Variants in XG observed in about 807,000 individuals in gnomAD.
XG encodes the protein Xg glycoprotein (Xg blood group).
Under a neutral mutation model 25.7 loss-of-function variants are expected in XG, and 24 were observed. The ratio of observed to expected loss-of-function variants is 0.93; its 90% CI spans 0.68 to 1.31. The LOEUF is 1.31. XG is among the 40% of genes most tolerant of loss of function. The pLI is 0.00. For missense variants in XG, 181 were observed against 187.6 expected, an observed-to-expected ratio of 0.96 and a Z score of 0.21; for synonymous variants, 77 against 69.2, an observed-to-expected ratio of 1.11 and a Z score of -0.56.
chrX:2,762,009 C>G (rs977271476), intron 1 of XG, among the ~76,000 whole-genome samples: 1 of 152,192 alleles, frequency 6.6e-6, no homozygotes, highest in African/African-American at 2.4e-5. Context: ...ATGAGAAACA[C>G]TGTGTCTTGG....
At chrX:2,766,433 C>A (rs1355148088) in intron 1 of XG, among the ~76,000 whole-genome samples, 1 of 151,942 alleles carries the variant, frequency 6.6e-6, no homozygotes, top group African/African-American at 2.4e-5. Context: ...GCCACCGCAC[C>A]CGGCCTCTTC....
In XG at chrX:2,782,106, C is replaced by T. The variant is rs766513303; in HGVS notation, c.168C>T (p.Pro56=). Residue 56 remains proline (P), a synonymous_variant, in exon 4 of 11, where the codon CCC becomes CCT. Transcript: ENST00000644266. ...CAAAACCACCTTACTACCCACAGCC[C>T]GAGAATCCCGACAGCGGTGGAAGTA... ...PKPKPPYYPQ[P]ENPDSGGNIY... is the part of the protein sequence containing the mutation. The T allele has an allele frequency of 1.2e-5, 14 of 1,211,805 alleles. No homozygotes were observed. The highest frequency in any genetic ancestry group is 1.5e-5 in the Non-Finnish European group (13 of 895,396).
At chrX:2,790,493 CT>C (rs1199350339) in intron 5 of XG, among the ~76,000 whole-genome samples, 1 of 75,760 alleles carries the variant, frequency 1.3e-5, no homozygotes, top group Non-Finnish European at 2.5e-5. Flanking sequence ...GAGCGAGCCC[CT>C]GTCTCAAAAG....
intron 1 of XG, among the ~76,000 whole-genome samples, chrX:2,758,243 G>A (rs960996213): frequency 9.2e-5 from 14 of 152,094 alleles, no homozygotes; most frequent in African/African-American, 2.9e-4. Flanking sequence ...TAGCCATTTC[G>A]TGCAGTGATT....
chrX:2,801,845 A>T (rs1365676992), intron 7 of XG, among the ~76,000 whole-genome samples: 2 of 110,741 alleles, frequency 1.8e-5, no homozygotes, highest in Admixed American at 9.6e-5. Flanking sequence ...AGTAGCTGGG[A>T]CTACAGGCGC....
chrX:2,797,050 G>A (rs1465241997), intron 6 of XG, among the ~76,000 whole-genome samples: 1 of 111,570 alleles, frequency 9.0e-6, no homozygotes, highest in Non-Finnish European at 1.9e-5. Flanking sequence ...AGTCCCCAGG[G>A]TAAATGTTAG....
intron 7 of XG, among the ~76,000 whole-genome samples, 168 bp from the exon 8 acceptor site, chrX:2,806,531 CAG>C (rs1283419394): frequency 5.4e-5 from 6 of 110,717 alleles, no homozygotes; most frequent in Admixed American, 4.8e-4. Context: ...AAACAGTAAA[CAG>C]GGGCCAGATG....
chrX:2,780,153 G>C (rs1191101729), intron 3 of XG, among the ~76,000 whole-genome samples: 1 of 151,814 alleles, frequency 6.6e-6, no homozygotes, highest in African/African-American at 2.4e-5. Context: ...ACTGTGTATA[G>C]ATAGCTCCTA....
intron 6 of XG, among the ~76,000 whole-genome samples, chrX:2,796,468 A>ATGTGTG (rs200727930): frequency 0.52 from 49,145 of 95,373 alleles, 11,505 homozygotes; most frequent in Middle Eastern, 0.66. Context: ...ATTTAGGTAT[A>ATGTGTG]TGTGTGTGTG....
intron 1 of XG, among the ~76,000 whole-genome samples, chrX:2,759,712 T>C (rs2050520412): frequency 6.6e-6 from 1 of 152,166 alleles, no homozygotes; most frequent in Non-Finnish European, 1.5e-5. Flanking sequence ...CAACTGACCC[T>C]TCCTGTGAGG....
At chrX:2,761,562 C>T (rs763320137) in intron 1 of XG, among the ~76,000 whole-genome samples, 37 of 134,724 alleles carry the variant, frequency 2.7e-4, no homozygotes, top group African/African-American at 8.6e-4. Context: ...AAGCCCAGGA[C>T]AGAGGCCTCA....
chrX:2,761,991 G>A (rs1370796850), intron 1 of XG, among the ~76,000 whole-genome samples: 3 of 152,136 alleles, frequency 2.0e-5, no homozygotes, highest in African/African-American at 7.2e-5. Flanking sequence ...GACATCCCCT[G>A]GGAGCTGATG....
intron 3 of XG, chrX:2,775,133 C>G (rs958360669): frequency 1.2e-4 from 28 of 227,956 alleles, no homozygotes; most frequent in African/African-American, 6.3e-4. Context: ...GGTATGTACT[C>G]AAAATAATTG....
chrX:2,783,245 T>G (rs1472601729), intron 4 of XG, among the ~76,000 whole-genome samples: 1 of 109,140 alleles, frequency 9.2e-6, no homozygotes, highest in Non-Finnish European at 1.9e-5. Flanking sequence ...TTTCTCCATT[T>G]TTTCTAACAT....
At chrX:2,777,425 G>A (rs779833886) in intron 3 of XG, among the ~76,000 whole-genome samples, 50 of 152,040 alleles carry the variant, frequency 3.3e-4, no homozygotes, top group South Asian at 1.0e-3. Flanking sequence ...AAAATGAAGA[G>A]TAAAATTAAA....
chrX:2,757,370 T>C (rs2050457952), intron 1 of XG, among the ~76,000 whole-genome samples: 1 of 151,442 alleles, frequency 6.6e-6, no homozygotes, highest in Non-Finnish European at 1.5e-5. Context: ...CATTTAGGAC[T>C]ACAGGTTTCC....
chrX:2,781,927 A>T (rs2306737), intron 3 of XG, 139 bp from the exon 4 acceptor site: 1 of 530,719 alleles, frequency 1.9e-6, no homozygotes, highest in Admixed American at 3.4e-5. Flanking sequence ...AGACAATGGC[A>T]ATCTATAAAC....
At chrX:2,785,750 A>G (rs899962942) in intron 4 of XG, among the ~76,000 whole-genome samples, 1 of 111,532 alleles carries the variant, frequency 9.0e-6, no homozygotes, top group Non-Finnish European at 1.9e-5. Context: ...AGCCCAAATG[A>G]GCCCAGGCTA....
At chrX:2,782,223 T>C in intron 4 of XG, 95 bp downstream of exon 4, 1 of 990,678 alleles carries the variant, frequency 1.0e-6, no homozygotes, top group Admixed American at 2.3e-5. Context: ...GCATTTGAAA[T>C]ATGTGTGTAA....
Sources: allele counts gnomAD v4.1 joint callset (sites outside exome capture counted in the v4.1 genomes callset), GRCh38; gene constraint gnomAD v4.1.1; transcripts MANE v1.5; gene names NCBI Gene and HGNC (gene_info 2026-07-23, HGNC 2026-07-21).